Variants in FMN2 observed in about 807,000 individuals in gnomAD.
The protein encoded by FMN2 is formin-2.
In FMN2, 51 loss-of-function variants were observed where a neutral mutation model predicts 142.3. That is an observed-to-expected ratio of 0.36 (90% confidence interval 0.29 to 0.45). FMN2 has a LOEUF of 0.45. FMN2 is among the 20% of genes least tolerant of loss of function. The pLI is 1.00. For synonymous variants in FMN2, 882 were observed against 869.8 expected (o/e 1.01, Z -0.25); for missense variants, 1,936 against 2,122.8 (o/e 0.91, Z 1.73).
intron 6 of FMN2, among the ~76,000 whole-genome samples, chr1:240,231,985 A>G (rs1232886728): frequency 6.6e-6 from 1 of 152,174 alleles, no homozygotes; most frequent in African/African-American, 2.4e-5. Flanking sequence ...ACTTTTTCAG[A>G]TAAGAGTATT....
Position 240,392,501 on chromosome 1 carries a change from G to T in FMN2, c.4859-10G>T, listed in dbSNP as rs778335549. 7 of 1,608,616 alleles carry T rather than the reference G, an allele frequency of 4.4e-6. No individual in the cohort carries two copies. The South Asian group carries it at 6.7e-5, about 15-fold the overall frequency. On this transcript the variant is annotated splice_polypyrimidine_tract_variant and intron_variant, in intron 14 of 17. Transcript: ENST00000319653. Reference sequence around the variant, plus strand: ...TTATCTCATGTACTTTTATTTTCTTGCACTTTCAGCCAAAATTGACCAAGA... The same window carrying T: ...TTATCTCATGTACTTTTATTTTCTTTCACTTTCAGCCAAAATTGACCAAGA...
chr1:240,191,115 C>T (rs903962652), intron 4 of FMN2, among the ~76,000 whole-genome samples: 1 of 152,198 alleles, frequency 6.6e-6, no homozygotes, highest in Non-Finnish European at 1.5e-5. Context: ...ATCCCCAGGA[C>T]TGCTTAGTCA....
At chr1:240,162,142 A>C (rs1664306462) in intron 2 of FMN2, among the ~76,000 whole-genome samples, 1 of 151,844 alleles carries the variant, frequency 6.6e-6, no homozygotes, top group Non-Finnish European at 1.5e-5. Context: ...AAAAAAAAAA[A>C]AACAAAAAAT....
intron 2 of FMN2, among the ~76,000 whole-genome samples, chr1:240,133,230 A>G (rs190392905): frequency 6.6e-6 from 1 of 152,274 alleles, no homozygotes; most frequent in Admixed American, 6.5e-5. Flanking sequence ...CAGTTGGGTG[A>G]TCACAGCTCA....
intron 4 of FMN2, among the ~76,000 whole-genome samples, chr1:240,198,581 T>C (rs1394536964): frequency 6.6e-6 from 1 of 152,232 alleles, no homozygotes; most frequent in East Asian, 1.9e-4. Context: ...TTTCCCATAA[T>C]ATGTTCTATT....
chr1:240,371,738 A>G (rs1337142336), intron 14 of FMN2, among the ~76,000 whole-genome samples: 1 of 152,174 alleles, frequency 6.6e-6, no homozygotes, highest in African/African-American at 2.4e-5. Flanking sequence ...TTCTAACTAC[A>G]TGTTACTTGG....
chr1:240,285,646 G>A (rs1447562030), intron 7 of FMN2, among the ~76,000 whole-genome samples: 2 of 152,060 alleles, frequency 1.3e-5, no homozygotes, highest in Non-Finnish European at 2.9e-5. Flanking sequence ...GAGGAAGAGA[G>A]AGTGGTATCC....
intron 15 of FMN2, among the ~76,000 whole-genome samples, chr1:240,411,745 G>T (rs1252567385): frequency 6.6e-6 from 1 of 151,530 alleles, no homozygotes; most frequent in East Asian, 1.9e-4. Flanking sequence ...AGTTTTTTCT[G>T]GTTGGAGTTC....
In FMN2 at chr1:240,364,792, G is replaced by A. The variant is rs116119296; in HGVS notation, c.4858+8884G>A. Among the ~76,000 whole-genome samples the A allele has an allele frequency of 7.0e-3, 1,067 of 152,216 alleles. 5 individuals carry two copies. Among genetic ancestry groups the A allele is most frequent in the African/African-American group, 0.024 (1,009 of 41,536 alleles). ...ATGCTGTGTCTTCAGCACCTAGTACGTCGCAGACTCCCAATAAACATTTAC... is the reference window on the plus strand; with the variant it reads ...ATGCTGTGTCTTCAGCACCTAGTACATCGCAGACTCCCAATAAACATTTAC... On this transcript the variant is annotated intron_variant, in intron 14 of 17. Transcript: ENST00000319653.
intron 7 of FMN2, among the ~76,000 whole-genome samples, chr1:240,282,289 A>G (rs1345544212): frequency 6.6e-6 from 1 of 152,200 alleles, no homozygotes; most frequent in Non-Finnish European, 1.5e-5. Context: ...GTTCAGGTCT[A>G]TCTAAATCCA....
At chr1:240,468,796 C>T (rs1408330922) in intron 16 of FMN2, among the ~76,000 whole-genome samples, 2 of 152,066 alleles carry the variant, frequency 1.3e-5, no homozygotes, top group African/African-American at 2.4e-5. Context: ...TGAAATCTGC[C>T]ACCGTAAACC....
chr1:240,340,586 GAAA>G lies in FMN2; in HGVS notation c.4765+6362_4765+6364del, dbSNP rs541739159. 3.0e-3 allele frequency among the ~76,000 whole-genome samples: 453 copies of G among 151,920 alleles called. 4 individuals are homozygous for G. Among genetic ancestry groups the G allele is most frequent in the Non-Finnish European group, 4.4e-3 (299 of 67,912 alleles). On this transcript the variant is annotated intron_variant, in intron 13 of 17. Transcript: ENST00000319653. ...ACAGAGCGAGACTCCATCTCAAACT[GAAA>G]AAAATTGTTCCCCCTTGTTTTGGAA...
At chr1:240,228,313 AAAAAAAAAAAAAAAAAAAAG>A (rs775605884) in intron 6 of FMN2, among the ~76,000 whole-genome samples, 9 of 70,330 alleles carry the variant, frequency 1.3e-4, no homozygotes, top group African/African-American at 3.0e-4. Context: ...CAAAAAAAAA[AAAAAAAAAAAAAAAAAAAAG>A]AAAAAGAAAA....
At chr1:240,211,069 T>C in intron 5 of FMN2, 22 bp from the exon 6 acceptor site, 2 of 1,590,800 alleles carry the variant, frequency 1.3e-6, no homozygotes, top group Non-Finnish European at 1.7e-6. Flanking sequence ...GGCTGTTTTA[T>C]TGTTCTTTTG....
chr1:240,206,893 A>G lies in FMN2; in HGVS notation c.2081A>G (p.Glu694Gly). 2 of 1,614,216 alleles carry G rather than the reference A, an allele frequency of 1.2e-6. No homozygotes were observed. Among genetic ancestry groups the G allele is most frequent in the Non-Finnish European group, 1.7e-6 (2 of 1,180,022 alleles). ...EDLRTKIAEL[E>G]RQYPALDTEV... ...CTGAGAACCAAAATAGCTGAACTAGAGAGGCAGTATCCTGCCCTGGACACA... is the reference window on the plus strand; with the variant it reads ...CTGAGAACCAAAATAGCTGAACTAGGGAGGCAGTATCCTGCCCTGGACACA... The change falls in exon 5 of 18, where the codon GAG becomes GGG. Residue 694 changes from glutamate to glycine, a missense_variant. Physicochemically the swap from Glu to Gly is moderately conservative, Grantham distance 98. Transcript: ENST00000319653.
At chr1:240,143,666 T>A (rs949803391) in intron 2 of FMN2, 58 of 1,609,916 alleles carry the variant, frequency 3.6e-5, no homozygotes, top group Middle Eastern at 1.7e-4. Flanking sequence ...ATTGCCTCGA[T>A]GGCCTCACCC....
chr1:240,262,665 G>A (rs1293731186), intron 7 of FMN2, among the ~76,000 whole-genome samples: 1 of 151,848 alleles, frequency 6.6e-6, no homozygotes, highest in Non-Finnish European at 1.5e-5. Context: ...CAATGTCACG[G>A]TTAGATAGAA....
chr1:240,448,708 C>G (rs1181591764), intron 16 of FMN2, among the ~76,000 whole-genome samples: 1 of 152,074 alleles, frequency 6.6e-6, no homozygotes, highest in African/African-American at 2.4e-5. Context: ...GTGGTCCCAG[C>G]TACTTGGGAG....
chr1:240,233,948 T>C (rs531631260), intron 6 of FMN2, among the ~76,000 whole-genome samples: 1 of 152,300 alleles, frequency 6.6e-6, no homozygotes, highest in Admixed American at 6.5e-5. Flanking sequence ...CTATATTTCA[T>C]AGTTACTTTA....
Sources: gnomAD v4.1 joint callset for allele counts (sites outside exome capture counted in the v4.1 genomes callset) on GRCh38, gnomAD v4.1.1 for gene constraint, MANE v1.5 for transcripts, NCBI Gene and HGNC (gene_info 2026-07-23, HGNC 2026-07-21) for gene names.